The following IL1R1 variants were observed in gnomAD, a reference collection of about 807,000 sequenced individuals.
The protein encoded by IL1R1 is interleukin 1 receptor type 1.
A neutral mutation model predicts 50.2 loss-of-function variants in IL1R1; 22 were observed. The observed-to-expected ratio is 0.44, with a 90% CI of 0.31 to 0.63. The LOEUF (loss-of-function observed/expected upper bound fraction) is 0.63, where lower values mean the gene tolerates loss of function less well. Ranked by LOEUF, IL1R1 falls within the 20% of genes least tolerant of loss-of-function variation. The probability of loss-of-function intolerance (pLI) is 0.07; values close to 1 mark genes in which losing one functional copy is unlikely to be tolerated. For synonymous variants in IL1R1, 251 were observed against 236.7 expected (o/e 1.06, Z -0.55); for missense variants, 509 against 676.2 (o/e 0.75, Z 2.74).
chr2:102,115,102 G>T (rs181110714), intron 1 of IL1R1, among the ~76,000 whole-genome samples: 46 of 152,324 alleles, frequency 3.0e-4, no homozygotes, highest in African/African-American at 1.1e-3. Context: ...ACTGATGCCT[G>T]GATCCTAACT....
chr2:102,115,237 G>T (rs1681002957), intron 1 of IL1R1, among the ~76,000 whole-genome samples: 1 of 152,162 alleles, frequency 6.6e-6, no homozygotes, highest in South Asian at 2.1e-4. Flanking sequence ...CAGTTGCCGA[G>T]TCAGTAAATT....
Position 102,127,643 on chromosome 2 carries a change from ATGTGTGTGTGTGACTGTGTG to A in IL1R1, c.-84+22784_-84+22803del, listed in dbSNP as rs1553628402. On this transcript the variant is annotated intron_variant, in intron 1 of 10. Coordinates refer to the IL1R1 transcript ENST00000409329. ...AGTAGGGACTTCAGGTAAGACAGAG[ATGTGTGTGTGTGACTGTGTG>A]TGTGTGTGTGTGTGTGTGTGTGTGT... is the stretch of plus-strand genomic sequence containing the variant. 5.7e-3 allele frequency among the ~76,000 whole-genome samples: 807 copies of A among 141,202 alleles called. 6 individuals are homozygous for A. Among genetic ancestry groups the A allele is most frequent in the African/African-American group, 0.021 (782 of 36,572 alleles). The allele number at this position is 141,202 out of a possible 152,430, so 92.6% of individuals were successfully genotyped here.
intron 1 of IL1R1, among the ~76,000 whole-genome samples, chr2:102,134,389 T>C (rs1015375848): frequency 1.3e-5 from 2 of 151,932 alleles, no homozygotes; most frequent in South Asian, 2.1e-4. Context: ...TTTCTTTTTT[T>C]TTTTTGAGAC....
intron 1 of IL1R1, among the ~76,000 whole-genome samples, chr2:102,109,503 C>T (rs1439608886): frequency 2.0e-5 from 3 of 152,168 alleles, no homozygotes; most frequent in Non-Finnish European, 4.4e-5. Flanking sequence ...GCCACACTGG[C>T]CTGGACAACT....
At chr2:102,158,727 T>C (rs930697939) in intron 3 of IL1R1, among the ~76,000 whole-genome samples, 5 of 152,190 alleles carry the variant, frequency 3.3e-5, no homozygotes, top group Non-Finnish European at 7.3e-5. Context: ...GGTCTTGGCT[T>C]GTAGTCTGGC....
At chr2:102,078,184 T>C (rs1679056087) in intron 1 of IL1R1, among the ~76,000 whole-genome samples, 1 of 151,944 alleles carries the variant, frequency 6.6e-6, no homozygotes, top group Admixed American at 6.6e-5. Context: ...AAATGCCAAA[T>C]ATCAGAAGGA....
intron 1 of IL1R1, among the ~76,000 whole-genome samples, chr2:102,074,555 C>T (rs546223172): frequency 7.8e-4 from 119 of 152,344 alleles, no homozygotes; most frequent in African/African-American, 2.8e-3. Flanking sequence ...GCTAGCCTAA[C>T]ATCCCTTCCT....
rs774326480 is a variant in IL1R1 at position 102,176,688 on chromosome 2, T to C, written c.1639T>C (p.Ser547Pro). The C allele has an allele frequency of 1.4e-5, 23 of 1,614,058 alleles. No individual in the cohort carries two copies. In the Admixed American group the frequency reaches 3.7e-4, roughly 26 times the overall value. ...GCCAGTCCAGCGACGGTCACCTTCA[T>C]CTAAACACCAGTTACTGTCACCAGC... ...HMPVQRRSPS[S>P]KHQLLSPATK... Residue 547 changes from serine (S) to proline (P), a missense_variant, in exon 12 of 12, where the codon TCT becomes CCT. By Grantham distance (74) the Ser-to-Pro change is moderately conservative. Transcript: ENST00000410023.
chr2:102,104,283 T>C, upstream of IL1R1, among the ~76,000 whole-genome samples: 1 of 151,950 alleles, frequency 6.6e-6, no homozygotes, highest in East Asian at 1.9e-4. Flanking sequence ...GCTCTAAGGA[T>C]TGGGAGGTAG....
intron 2 of IL1R1, 137 bp from the exon 3 acceptor site, chr2:102,157,582 G>T (rs1684309714): frequency 4.5e-6 from 3 of 662,108 alleles, no homozygotes; most frequent in Middle Eastern, 2.4e-4. Flanking sequence ...CATTCATGAT[G>T]TAGAAAAACC....
chr2:102,123,674 A>G (rs868247585), intron 1 of IL1R1, among the ~76,000 whole-genome samples: 16 of 152,072 alleles, frequency 1.1e-4, no homozygotes, highest in Middle Eastern at 3.2e-3. Flanking sequence ...GCTACTTGGG[A>G]GGCTGAGGCA....
chr2:102,097,664 C>T (rs968894056), intron 1 of IL1R1, among the ~76,000 whole-genome samples: 1 of 151,488 alleles, frequency 6.6e-6, no homozygotes, highest in Admixed American at 6.6e-5. Flanking sequence ...CCAAGAAAAA[C>T]ATAATGTATC....
chr2:102,167,386 G>A (rs1685271056), intron 6 of IL1R1, among the ~76,000 whole-genome samples: 1 of 150,038 alleles, frequency 6.7e-6, no homozygotes, highest in African/African-American at 2.4e-5. Context: ...AACCTAACCA[G>A]CAAGTAGAAC....
intron 1 of IL1R1, among the ~76,000 whole-genome samples, chr2:102,148,137 G>A (rs1683314340): frequency 6.6e-6 from 1 of 152,132 alleles, no homozygotes; most frequent in Admixed American, 6.5e-5. Context: ...TGGGTTTTTG[G>A]GTTGTGTGCA....
chr2:102,137,065 C>T (rs1682384716), intron 1 of IL1R1, among the ~76,000 whole-genome samples: 1 of 152,206 alleles, frequency 6.6e-6, no homozygotes, highest in Non-Finnish European at 1.5e-5. Flanking sequence ...TCTCATAGCT[C>T]TCAGCTTTTG....
chr2:102,126,235 T>C (rs115978785), intron 1 of IL1R1, among the ~76,000 whole-genome samples: 157 of 152,358 alleles, frequency 1.0e-3, no homozygotes, highest in African/African-American at 3.7e-3. Flanking sequence ...TAGACACGAC[T>C]GAGCTAGAAG....
At chr2:102,106,647 C>T (rs1254916604) in intron 1 of IL1R1, among the ~76,000 whole-genome samples, 10 of 152,124 alleles carry the variant, frequency 6.6e-5, no homozygotes, top group Admixed American at 5.9e-4. Flanking sequence ...AGTAAAAACA[C>T]ACCACTGTGA....
chr2:102,166,029 T>G, intron 5 of IL1R1, 84 bp from the exon 6 acceptor site: 1 of 1,170,464 alleles, frequency 8.5e-7, no homozygotes, highest in Non-Finnish European at 1.2e-6. Context: ...TTTGCTAAGG[T>G]GAAAAAAATG....
At chr2:102,134,382 C>CTT (rs11372238) in intron 1 of IL1R1, among the ~76,000 whole-genome samples, 21 of 145,786 alleles carry the variant, frequency 1.4e-4, no homozygotes, top group African/African-American at 2.0e-4. Flanking sequence ...TCTTTTCTTT[C>CTT]TTTTTTTTTT....
Sources: allele counts gnomAD v4.1 joint callset (sites outside exome capture counted in the v4.1 genomes callset), GRCh38; gene constraint gnomAD v4.1.1; transcripts MANE v1.5; gene names NCBI Gene and HGNC (gene_info 2026-07-23, HGNC 2026-07-21).